The following ZFHX3 variants were observed in gnomAD, a reference collection of about 807,000 sequenced individuals.
The protein encoded by ZFHX3 is zinc finger homeobox 3.
Under a neutral mutation model 279.1 loss-of-function variants are expected in ZFHX3, and 42 were observed. That is an observed-to-expected ratio of 0.15 (90% CI 0.12 to 0.19). The LOEUF (loss-of-function observed/expected upper bound fraction) is 0.19. Ranked by LOEUF, ZFHX3 falls within the 10% of genes least tolerant of loss-of-function variation. ZFHX3 has a pLI of 1.00. For missense variants in ZFHX3, 4,981 were observed against 4,754.0 expected, an observed-to-expected ratio of 1.05 and a Z score of -1.40; for synonymous variants, 2,293 against 1,957.8, an observed-to-expected ratio of 1.17 and a Z score of -4.52.
chr16:73,129,658 ATG>A (rs112808029), intron 7 of ZFHX3, among the ~76,000 whole-genome samples: 126 of 150,682 alleles, frequency 8.4e-4, no homozygotes, highest in African/African-American at 2.5e-3. Context: ...GTGTGCATGT[ATG>A]TGTGCCCACG....
At chr16:73,609,525 T>C (rs1433716364) in intron 2 of ZFHX3, 2 of 152,100 alleles carry the variant, frequency 1.3e-5, no homozygotes, top group Admixed American at 6.6e-5. Context: ...GCGGACACAA[T>C]TGGAAGCACC....
At chr16:73,288,093 C>T (rs893903612) in intron 4 of ZFHX3, among the ~76,000 whole-genome samples, 2 of 149,534 alleles carry the variant, frequency 1.3e-5, no homozygotes, top group Admixed American at 6.7e-5. Context: ...TGCTCTTAGC[C>T]GTTCCATCTC....
chr16:73,760,765 A>G (rs752634177), intron 1 of ZFHX3, among the ~76,000 whole-genome samples: 11 of 152,204 alleles, frequency 7.2e-5, no homozygotes, highest in Non-Finnish European at 1.3e-4. Flanking sequence ...CCTTCATAAA[A>G]TTCAACATCC....
intron 5 of ZFHX3, among the ~76,000 whole-genome samples, chr16:72,812,814 G>C (rs2036497537): frequency 6.6e-6 from 1 of 152,188 alleles, no homozygotes; most frequent in Non-Finnish European, 1.5e-5. Context: ...AAGAGGAGTG[G>C]CCCATGAGGA....
At chr16:73,834,173 C>G (rs2142361392) in intron 1 of ZFHX3, among the ~76,000 whole-genome samples, 1 of 152,296 alleles carries the variant, frequency 6.6e-6, no homozygotes, top group East Asian at 1.9e-4. Context: ...GACAGTTTCT[C>G]TGGTTCACTT....
intron 2 of ZFHX3, among the ~76,000 whole-genome samples, chr16:73,553,432 G>A (rs913242521): frequency 7.9e-5 from 12 of 152,070 alleles, no homozygotes; most frequent in East Asian, 1.9e-4. Flanking sequence ...TAGCCCCCAC[G>A]ACACCAATGT....
chr16:73,056,717 T>C (rs1156533173), intron 1 of ZFHX3, among the ~76,000 whole-genome samples: 3 of 152,162 alleles, frequency 2.0e-5, no homozygotes, highest in Admixed American at 1.3e-4. Context: ...GCTGCAGATA[T>C]TGTAGAAATT....
At chr16:72,902,729 A>G (rs1165393863) in intron 3 of ZFHX3, among the ~76,000 whole-genome samples, 1 of 152,098 alleles carries the variant, frequency 6.6e-6, no homozygotes, top group African/African-American at 2.4e-5. Flanking sequence ...GTCCCTGAAT[A>G]TGAGCACCCT....
rs373430451 is a variant in ZFHX3, at chr16:72,980,639, T to C, written c.-49-20445A>G. 3.2e-4 allele frequency among the ~76,000 whole-genome samples: 48 copies of C among 150,396 alleles called. No individual in the cohort carries two copies. The South Asian group carries it at 9.5e-3, about 30-fold the overall frequency. Reference sequence around the variant, plus strand: ...AAACAAAAACAGCTGGGTGCAGTGGTGTGCGCCTGTAGTCCCAGCTACTTG... The same window carrying C: ...AAACAAAAACAGCTGGGTGCAGTGGCGTGCGCCTGTAGTCCCAGCTACTTG... On this transcript the variant is annotated intron_variant, in intron 1 of 9. Coordinates refer to ENST00000268489, the MANE Select transcript of ZFHX3 (RefSeq NM_006885.4).
chr16:73,512,404 C>G (rs972629399), intron 2 of ZFHX3, among the ~76,000 whole-genome samples: 1 of 146,250 alleles, frequency 6.8e-6, no homozygotes, highest in Non-Finnish European at 1.5e-5. Context: ...GCCAAGATCA[C>G]TCCACTGCAC....
chr16:73,506,478 G>A (rs1328508313), intron 2 of ZFHX3, among the ~76,000 whole-genome samples: 1 of 152,126 alleles, frequency 6.6e-6, no homozygotes, highest in African/African-American at 2.4e-5. Context: ...GGTTAATAGA[G>A]TCCCACGGAA....
At chr16:73,631,558 C>T (rs1378314918) in intron 2 of ZFHX3, among the ~76,000 whole-genome samples, 5 of 152,106 alleles carry the variant, frequency 3.3e-5, no homozygotes, top group Admixed American at 6.5e-5. Context: ...TTAGAAACAA[C>T]ACATTAATTT....
rs758423425 is a variant in ZFHX3 at position 72,957,442 on chromosome 16, T to C, written c.2704A>G (p.Met902Val). Reference protein sequence around the residue: ...QLDPAGPMAAMTPALVGGEIP... With the variant: ...QLDPAGPMAAVTPALVGGEIP... ...TCATCCTCACCTAGAGCAGGCGTCA[T>C]GGCGGCCATGGGCCCGGCGGGATCC... is the stretch of plus-strand genomic sequence containing the variant. Residue 902 changes from methionine to valine, a missense_variant, in exon 2 of 10, where the codon ATG becomes GTG. Coordinates refer to ENST00000268489, the MANE Select transcript of ZFHX3 (RefSeq NM_006885.4). 2.5e-6 allele frequency: 4 copies of C among 1,610,488 alleles called. No homozygotes were observed. The South Asian group carries it at 3.3e-5, about 13-fold the overall frequency.
At chr16:72,946,271 TCTC>T in intron 3 of ZFHX3, among the ~76,000 whole-genome samples, 1 of 152,262 alleles carries the variant, frequency 6.6e-6, no homozygotes, top group African/African-American at 2.4e-5. Flanking sequence ...TGGCTTCTCC[TCTC>T]CTGTGTGCCC....
At chr16:73,532,222 T>A (rs1269428249) in intron 2 of ZFHX3, among the ~76,000 whole-genome samples, 1 of 152,020 alleles carries the variant, frequency 6.6e-6, no homozygotes, top group Non-Finnish European at 1.5e-5. Context: ...CAGGGGGAGA[T>A]AATTGAATCA....
At chr16:73,364,669 C>G (rs1286277650) in intron 3 of ZFHX3, among the ~76,000 whole-genome samples, 1 of 152,094 alleles carries the variant, frequency 6.6e-6, no homozygotes, top group African/African-American at 2.4e-5. Flanking sequence ...TTAGGACATT[C>G]TTGTTATATA....
intron 3 of ZFHX3, among the ~76,000 whole-genome samples, chr16:72,916,501 C>A (rs770556848): frequency 6.6e-6 from 1 of 152,228 alleles, no homozygotes; most frequent in Non-Finnish European, 1.5e-5. Flanking sequence ...TCATGCCTAT[C>A]ACCCAACAAA....
At chr16:73,626,672 A>G (rs1294901687) in intron 2 of ZFHX3, among the ~76,000 whole-genome samples, 2 of 151,892 alleles carry the variant, frequency 1.3e-5, no homozygotes, top group Non-Finnish European at 2.9e-5. Context: ...CCCTCTTTCC[A>G]TCTGCCAAAC....
chr16:72,920,903 A>G (rs563710778), intron 3 of ZFHX3, among the ~76,000 whole-genome samples: 24 of 151,760 alleles, frequency 1.6e-4, no homozygotes, highest in Middle Eastern at 3.4e-3. Flanking sequence ...GACCCCCCAT[A>G]TCTACAAAAA....
Sources: allele counts gnomAD v4.1 joint callset (sites outside exome capture counted in the v4.1 genomes callset), GRCh38; gene constraint gnomAD v4.1.1; transcripts MANE v1.5; gene names NCBI Gene and HGNC (gene_info 2026-07-23, HGNC 2026-07-21).